Variants in ADK observed in about 807,000 individuals in gnomAD.
ADK encodes adenosine kinase, also known as N6,N6-dimethyladenosine kinase.
In ADK, 24 loss-of-function variants were observed where a neutral mutation model predicts 44.7. The observed-to-expected ratio is 0.54, with a 90% CI of 0.39 to 0.76. The LOEUF (loss-of-function observed/expected upper bound fraction) is 0.76. Ranked by LOEUF, ADK falls within the 30% of genes least tolerant of loss-of-function variation. The probability of loss-of-function intolerance (pLI) is 0.00; values close to 1 mark genes in which losing one functional copy is unlikely to be tolerated. For synonymous variants in ADK, 128 were observed against 142.6 expected (o/e 0.90, Z 0.73); for missense variants, 321 against 425.1 (o/e 0.76, Z 2.15).
At position 74,599,404 on chromosome 10, in the gene ADK, A is replaced by G. The variant is rs553131465; in HGVS notation, c.763-975A>G. 5.3e-5 allele frequency among the ~76,000 whole-genome samples: 8 copies of G among 152,254 alleles called. No individual in the cohort carries two copies. In the East Asian group the frequency reaches 1.5e-3, roughly 29 times the overall value. The stretch of plus-strand genomic sequence containing the variant: ...TGACTTGTCTGCTTTGCTTGCCTAA[A>G]TGTTCTCTCTCATATATTCTATTTG... On this transcript the variant is annotated intron_variant, in intron 8 of 10. Transcript: ENST00000539909.
chr10:74,373,936 A>G (rs1842745770), intron 4 of ADK, among the ~76,000 whole-genome samples: 1 of 152,200 alleles, frequency 6.6e-6, no homozygotes, highest in Non-Finnish European at 1.5e-5. Context: ...CATGCAATAG[A>G]ATATTATTTG....
chr10:74,241,637 C>G (rs558689431), intron 3 of ADK, among the ~76,000 whole-genome samples: 1 of 152,168 alleles, frequency 6.6e-6, no homozygotes, highest in Admixed American at 6.5e-5. Context: ...CCACCCGCCT[C>G]GGCCTCCCAA....
intron 6 of ADK, chr10:74,508,476 C>T (rs578135009): frequency 1.3e-5 from 2 of 152,246 alleles, no homozygotes; most frequent in East Asian, 3.9e-4. Flanking sequence ...AGGCCAAGAA[C>T]TATATTAAGC....
At chr10:74,332,046 C>A (rs1841237046) in intron 4 of ADK, among the ~76,000 whole-genome samples, 1 of 151,964 alleles carries the variant, frequency 6.6e-6, no homozygotes, top group Non-Finnish European at 1.5e-5. Flanking sequence ...TTTGTAGAGA[C>A]AGAATTTCAC....
chr10:74,298,750 A>C (rs889068146), intron 3 of ADK, among the ~76,000 whole-genome samples: 17 of 125,882 alleles, frequency 1.4e-4, no homozygotes, highest in Admixed American at 9.6e-4. Context: ...TACCAAAAAA[A>C]CCCCCCAAAA....
At chr10:74,236,868 A>G (rs1368238144) in intron 3 of ADK, among the ~76,000 whole-genome samples, 6 of 152,356 alleles carry the variant, frequency 3.9e-5, no homozygotes, top group African/African-American at 1.4e-4. Context: ...ATAACATTGT[A>G]TATAAAAATG....
At chr10:74,566,536 A>C (rs998626562) in intron 7 of ADK, among the ~76,000 whole-genome samples, 13 of 151,746 alleles carry the variant, frequency 8.6e-5, no homozygotes, top group African/African-American at 2.9e-4. Flanking sequence ...AACCATAATC[A>C]CTTATCTATT....
intron 7 of ADK, among the ~76,000 whole-genome samples, chr10:74,538,203 C>T (rs1405548049): frequency 1.3e-5 from 2 of 149,934 alleles, no homozygotes; most frequent in African/African-American, 4.9e-5. Flanking sequence ...TGCAGCTAGC[C>T]AAGATCACAC....
intron 3 of ADK, among the ~76,000 whole-genome samples, chr10:74,268,406 A>G (rs1312204833): frequency 6.6e-6 from 1 of 151,388 alleles, no homozygotes; most frequent in Non-Finnish European, 1.5e-5. Flanking sequence ...TTATTTCACT[A>G]GAATTTGTTT....
At chr10:74,545,567 ATTCCAGAGT>A (rs2133750422) in intron 7 of ADK, among the ~76,000 whole-genome samples, 2 of 152,318 alleles carry the variant, frequency 1.3e-5, no homozygotes, top group South Asian at 4.1e-4. Flanking sequence ...TTTGTCTTAT[ATTCCAGAGT>A]TGACTGGTTC....
intron 6 of ADK, among the ~76,000 whole-genome samples, chr10:74,497,173 A>G (rs1333806715): frequency 6.6e-6 from 1 of 152,200 alleles, no homozygotes; most frequent in Non-Finnish European, 1.5e-5. Flanking sequence ...TTGTCCCAAA[A>G]AATAATATTT....
At chr10:74,600,191 G>C (rs907832525) in intron 8 of ADK, among the ~76,000 whole-genome samples, 188 bp from the exon 9 acceptor site, 4 of 151,672 alleles carry the variant, frequency 2.6e-5, no homozygotes, top group Non-Finnish European at 5.9e-5. Context: ...GTAGATCATT[G>C]ATGGGTTCCT....
chr10:74,625,100 C>T (rs547715123), intron 9 of ADK, among the ~76,000 whole-genome samples: 48 of 152,088 alleles, frequency 3.2e-4, no homozygotes, highest in Middle Eastern at 3.4e-3. Flanking sequence ...ATGAACAAAA[C>T]AAAAACTCCT....
chr10:74,706,154 CA>C lies in ADK; in HGVS notation c.965-2160del, dbSNP rs1009035567. ...TTCAAGACCAACCTGAGCATCTCTA[CA>C]AAAAAATGCAAGAATTAGAGGAAAG... is the stretch of plus-strand genomic sequence containing the variant. On this transcript the variant is annotated intron_variant, in intron 10 of 10. Transcript: ENST00000539909. Among the ~76,000 whole-genome samples the C allele has an allele frequency of 2.6e-5, 4 of 151,962 alleles. No homozygotes were observed. The East Asian group carries it at 5.8e-4, about 22-fold the overall frequency.
intron 3 of ADK, among the ~76,000 whole-genome samples, chr10:74,303,591 T>G (rs796709755): frequency 8.5e-4 from 90 of 106,004 alleles, no homozygotes; most frequent in African/African-American, 3.2e-3. Context: ...TAATGTTGTT[T>G]TTTTTTTTTT....
intron 4 of ADK, among the ~76,000 whole-genome samples, chr10:74,377,864 TC>T (rs1160847082): frequency 6.6e-6 from 1 of 152,192 alleles, no homozygotes; most frequent in Non-Finnish European, 1.5e-5. Flanking sequence ...TTCTGGGGCC[TC>T]CTTAGCCCAC....
At chr10:74,287,375 A>C (rs913761601) in intron 3 of ADK, among the ~76,000 whole-genome samples, 1 of 151,926 alleles carries the variant, frequency 6.6e-6, no homozygotes, top group Admixed American at 6.6e-5. Context: ...GAGGCACGAG[A>C]ATCACTTGAA....
chr10:74,179,256 T>C (rs939397431), intron 1 of ADK, among the ~76,000 whole-genome samples: 9 of 152,190 alleles, frequency 5.9e-5, no homozygotes, highest in African/African-American at 1.7e-4. Context: ...AATTATGTCA[T>C]ATCTTTAGTT....
intron 9 of ADK, among the ~76,000 whole-genome samples, chr10:74,641,001 A>C (rs920429047): frequency 1.3e-5 from 2 of 152,254 alleles, no homozygotes; most frequent in African/African-American, 4.8e-5. Flanking sequence ...TCTGGCACCA[A>C]ACTGTTGTAG....
Sources: allele counts gnomAD v4.1 joint callset (sites outside exome capture counted in the v4.1 genomes callset), GRCh38; gene constraint gnomAD v4.1.1; transcripts MANE v1.5; gene names NCBI Gene and HGNC (gene_info 2026-07-23, HGNC 2026-07-21).